The following THEMIS variants were observed in gnomAD, a reference collection of about 807,000 sequenced individuals.
THEMIS encodes the protein protein THEMIS.
THEMIS carries 37 observed loss-of-function variants against 52.6 expected under a neutral mutation model. That is an observed-to-expected ratio of 0.70 (90% CI 0.54 to 0.93). The LOEUF (loss-of-function observed/expected upper bound fraction) is 0.93. Ranked by LOEUF, THEMIS falls within the 40% of genes least tolerant of loss-of-function variation. The pLI, the probability that THEMIS is intolerant of heterozygous loss-of-function variation, is 0.00. For missense variants in THEMIS, 808 were observed against 763.1 expected, an observed-to-expected ratio of 1.06 and a Z score of -0.69; for synonymous variants, 292 against 272.7, an observed-to-expected ratio of 1.07 and a Z score of -0.70.
chr6:127,746,993 AGATATCTATAATTATATTAT>A (rs1775447595), intron 4 of THEMIS, among the ~76,000 whole-genome samples: 2 of 86,866 alleles, frequency 2.3e-5, no homozygotes, highest in East Asian at 3.5e-4. Context: ...AATTATATAT[AGATATCTATAATTATATTAT>A]ATATAATTAT....
chr6:127,811,462 C>G (rs975897379), intron 4 of THEMIS, among the ~76,000 whole-genome samples: 1 of 152,172 alleles, frequency 6.6e-6, no homozygotes, highest in African/African-American at 2.4e-5. Flanking sequence ...ACATGTCCCT[C>G]TAACCCTGAT....
chr6:127,863,305 T>A (rs72973339), intron 1 of THEMIS, among the ~76,000 whole-genome samples: 4 of 152,246 alleles, frequency 2.6e-5, no homozygotes, highest in Non-Finnish European at 5.9e-5. Context: ...GATAACTGAG[T>A]CCCCATACAG....
At chr6:127,917,119 A>G (rs897101519) in intron 1 of THEMIS, among the ~76,000 whole-genome samples, 7 of 152,228 alleles carry the variant, frequency 4.6e-5, no homozygotes, top group African/African-American at 1.7e-4. Context: ...TTCCACAGAA[A>G]ACTAAGCTTG....
intron 5 of THEMIS, among the ~76,000 whole-genome samples, chr6:127,715,223 C>T (rs1774116126): frequency 6.6e-6 from 1 of 151,774 alleles, no homozygotes; most frequent in South Asian, 2.1e-4. Flanking sequence ...ATAAATTCTA[C>T]TAATATCGTT....
chr6:127,736,426 G>C (rs1775007318), intron 4 of THEMIS, among the ~76,000 whole-genome samples: 1 of 151,924 alleles, frequency 6.6e-6, no homozygotes, highest in Admixed American at 6.6e-5. Flanking sequence ...AGATAAGTAG[G>C]GAATAAAATT....
intron 2 of THEMIS, among the ~76,000 whole-genome samples, chr6:127,842,100 A>T (rs1234715005): frequency 6.6e-6 from 1 of 152,036 alleles, no homozygotes; most frequent in Non-Finnish European, 1.5e-5. Context: ...AAAAAACAGA[A>T]GATGGAAAGG....
intron 4 of THEMIS, among the ~76,000 whole-genome samples, chr6:127,806,457 A>G (rs1322627668): frequency 6.6e-6 from 1 of 152,196 alleles, no homozygotes; most frequent in Admixed American, 6.5e-5. Context: ...AGGTGAGAAC[A>G]TTCTCAGTTG....
rs764684634 is a variant in THEMIS at position 127,813,695 on chromosome 6, A to T, written c.946T>A (p.Ser316Thr). 1.2e-6 allele frequency: 2 copies of T among 1,614,128 alleles called. No individual in the cohort carries two copies. The highest frequency in any genetic ancestry group is 2.2e-5 in the South Asian group (2 of 91,082). ...TIVIHKKYQA[S>T]RILASEIRSN... Reference sequence around the variant, plus strand: ...CTAATTTCTGAAGCTAAGATTCTTGATGCCTGGTACTTTTTGTGGATCACA... The same window carrying T: ...CTAATTTCTGAAGCTAAGATTCTTGTTGCCTGGTACTTTTTGTGGATCACA... The change falls in exon 4 of 6, where the codon TCA (serine) becomes ACA (threonine). Residue 316 changes from serine (S) to threonine (T), a missense_variant. By Grantham distance (58) the Ser-to-Thr change is moderately conservative (BLOSUM62 1). Coordinates refer to ENST00000368248, the MANE Select transcript of THEMIS (RefSeq NM_001010923.3).
intron 4 of THEMIS, among the ~76,000 whole-genome samples, chr6:127,748,035 A>AT (rs1775509106): frequency 6.6e-6 from 1 of 152,160 alleles, no homozygotes; most frequent in South Asian, 2.1e-4. Flanking sequence ...AAGATAGCAC[A>AT]TGCAAGAAGA....
At position 127,710,001 on chromosome 6, in the gene THEMIS, T is replaced by C; in HGVS notation, c.1910A>G (p.Glu637Gly). Residue 637 changes from glutamate to glycine, a missense_variant, in exon 6 of 6, where the codon GAA becomes GGA. Glu to Gly is a moderately conservative substitution (Grantham distance 98, BLOSUM62 -2). Coordinates refer to ENST00000368248, the MANE Select transcript of THEMIS (RefSeq NM_001010923.3). Reference protein sequence around the residue: ...ATAIAETFKNEKHQK With the variant: ...ATAIAETFKNGKHQK ...CACATCTTGTTATTTTTGATGTTTT[T>C]CATTTTTGAATGTTTCTATAAATAA... is the stretch of plus-strand genomic sequence containing the variant. The C allele has an allele frequency of 6.3e-7, 1 of 1,585,990 alleles. No homozygotes were observed. The highest frequency in any genetic ancestry group is 8.6e-7 in the Non-Finnish European group (1 of 1,166,444).
chr6:127,859,654 G>T (rs777224507), intron 1 of THEMIS, among the ~76,000 whole-genome samples: 4 of 152,056 alleles, frequency 2.6e-5, no homozygotes, highest in African/African-American at 4.8e-5. Context: ...TATTTGGTAT[G>T]TTTGATATCA....
intron 4 of THEMIS, among the ~76,000 whole-genome samples, chr6:127,806,658 C>T (rs767659332): frequency 2.6e-5 from 4 of 152,088 alleles, no homozygotes; most frequent in Non-Finnish European, 4.4e-5. Flanking sequence ...GTGATATTTG[C>T]GAATATTTTA....
At chr6:127,696,644 C>G in the THEMIS span, among the ~76,000 whole-genome samples, 1 of 152,088 alleles carries the variant, frequency 6.6e-6, no homozygotes, top group Non-Finnish European at 1.5e-5. Flanking sequence ...GTTTGAATAA[C>G]AGAGATTTAT....
At chr6:127,893,632 A>T (rs773634236) in intron 1 of THEMIS, among the ~76,000 whole-genome samples, 37 of 152,130 alleles carry the variant, frequency 2.4e-4, no homozygotes, top group Non-Finnish European at 5.3e-4. Context: ...TGTTCTTGTG[A>T]TGAACATTCT....
At chr6:127,751,936 C>G (rs932647432) in intron 4 of THEMIS, among the ~76,000 whole-genome samples, 1 of 151,576 alleles carries the variant, frequency 6.6e-6, no homozygotes, top group Admixed American at 6.6e-5. Context: ...CAAAATAGGT[C>G]ATATATTAGA....
intron 3 of THEMIS, among the ~76,000 whole-genome samples, chr6:127,819,118 T>TAAAAAAAAA (rs142123167): frequency 3.1e-4 from 6 of 19,482 alleles, no homozygotes; most frequent in African/African-American, 4.0e-4. Context: ...AGACTCTGTC[T>TAAAAAAAAA]AAAAAAAAAA....
chr6:127,810,864 T>C (rs991497348), intron 4 of THEMIS, among the ~76,000 whole-genome samples: 4 of 135,438 alleles, frequency 3.0e-5, no homozygotes, highest in African/African-American at 1.0e-4. Context: ...CTCTTAGCAG[T>C]AGGCTGGAAA....
chr6:127,849,210 A>T (rs1779333308), intron 2 of THEMIS, among the ~76,000 whole-genome samples: 1 of 151,894 alleles, frequency 6.6e-6, no homozygotes, highest in African/African-American at 2.4e-5. Flanking sequence ...TGTTTTTGTC[A>T]GGTTTGTCAA....
At chr6:127,814,524 G>A (rs756643899) in intron 3 of THEMIS, among the ~76,000 whole-genome samples, 88 of 152,070 alleles carry the variant, frequency 5.8e-4, no homozygotes, top group Non-Finnish European at 9.6e-4. Flanking sequence ...ATTAATATGC[G>A]AAAATAAATA....
Sources: allele counts gnomAD v4.1 joint callset (sites outside exome capture counted in the v4.1 genomes callset), GRCh38; gene constraint gnomAD v4.1.1; transcripts MANE v1.5; gene names NCBI Gene and HGNC (gene_info 2026-07-23, HGNC 2026-07-21).